CSMD1: variants seen among roughly 807,000 people sequenced by gnomAD.
CSMD1 encodes CUB and sushi domain-containing protein 1.
Under a neutral mutation model 417.5 loss-of-function variants are expected in CSMD1, and 213 were observed. The ratio of observed to expected loss-of-function variants is 0.51; its 90% CI spans 0.46 to 0.57. The LOEUF is 0.57. CSMD1 is among the 20% of genes least tolerant of loss of function. The probability of loss-of-function intolerance (pLI) is 0.00; values close to 1 mark genes in which losing one functional copy is unlikely to be tolerated. For missense variants in CSMD1, 6,923 were observed against 4,529.7 expected, an observed-to-expected ratio of 1.53 and a Z score of -15.17; for synonymous variants, 2,862 against 1,736.8, an observed-to-expected ratio of 1.65 and a Z score of -16.11.
At chr8:4,025,952 A>G (rs1419058717) in intron 4 of CSMD1, among the ~76,000 whole-genome samples, 1 of 152,064 alleles carries the variant, frequency 6.6e-6, no homozygotes, top group Non-Finnish European at 1.5e-5. Context: ...ATAAACTTTT[A>G]TAACCCTGGC....
intron 3 of CSMD1, among the ~76,000 whole-genome samples, chr8:4,385,306 T>G (rs533081412): frequency 1.0e-3 from 157 of 152,340 alleles, no homozygotes; most frequent in African/African-American, 3.5e-3. Context: ...TGTTAAACAA[T>G]GATGTAGTCT....
chr8:4,407,723 C>T (rs1796399780), intron 3 of CSMD1, among the ~76,000 whole-genome samples: 1 of 152,096 alleles, frequency 6.6e-6, no homozygotes, highest in Non-Finnish European at 1.5e-5. Flanking sequence ...TGTAGTTTTT[C>T]CATGATTCAT....
intron 5 of CSMD1, among the ~76,000 whole-genome samples, chr8:3,846,484 T>A (rs1302168507): frequency 1.3e-5 from 2 of 152,192 alleles, no homozygotes; most frequent in Non-Finnish European, 2.9e-5. Context: ...TTTTTTCACG[T>A]GTGAAACTCA....
chr8:3,731,569 T>C (rs1210479163), intron 6 of CSMD1, among the ~76,000 whole-genome samples: 1 of 152,080 alleles, frequency 6.6e-6, no homozygotes, highest in Non-Finnish European at 1.5e-5. Flanking sequence ...CCGTGAAGAA[T>C]CTAAAATAGG....
chr8:3,069,302 G>A (rs1489282906), intron 49 of CSMD1, among the ~76,000 whole-genome samples: 3 of 151,996 alleles, frequency 2.0e-5, no homozygotes, highest in Non-Finnish European at 2.9e-5. Context: ...GGGTGTGGTG[G>A]CAGGCATCTG....
chr8:4,080,585 G>A (rs559205376), intron 3 of CSMD1, among the ~76,000 whole-genome samples: 5 of 152,272 alleles, frequency 3.3e-5, no homozygotes, highest in Admixed American at 1.3e-4. Flanking sequence ...ATTTATGTAT[G>A]ATGTCATAGT....
At chr8:4,099,695 C>A (rs554744564) in intron 3 of CSMD1, among the ~76,000 whole-genome samples, 2 of 151,998 alleles carry the variant, frequency 1.3e-5, no homozygotes, top group Non-Finnish European at 2.9e-5. Flanking sequence ...CAAACAAAAC[C>A]TCTTCTTTTC....
intron 7 of CSMD1, among the ~76,000 whole-genome samples, chr8:3,620,007 C>G (rs1584971863): frequency 6.6e-6 from 1 of 152,120 alleles, no homozygotes; most frequent in Non-Finnish European, 1.5e-5. Context: ...GAGGCTGAGA[C>G]AGGAGAATAG....
In CSMD1 at chr8:4,137,726, A is replaced by C. The variant is rs1284463157; in HGVS notation, c.416-105627T>G. ...CACATCGATAAAGATACTGTATTTC[A>C]CGATGTTGTATTTTATATAAAATTA... On this transcript the variant is annotated intron_variant, in intron 3 of 69. Transcript: ENST00000635120. Among the ~76,000 whole-genome samples, 2 of 135,050 alleles carry C rather than the reference A, an allele frequency of 1.5e-5. 1 individual carries two copies. The highest frequency in any genetic ancestry group is 3.4e-5 in the Non-Finnish European group (2 of 58,438). 88.6% of individuals were successfully genotyped at this position (135,050 alleles called of 152,430 possible).
At chr8:4,559,197 T>C (rs997162862) in intron 2 of CSMD1, among the ~76,000 whole-genome samples, 2 of 152,202 alleles carry the variant, frequency 1.3e-5, no homozygotes, top group South Asian at 2.1e-4. Flanking sequence ...ATGCTGGCTT[T>C]AGTCTCTTAT....
rs568072940 is a variant in CSMD1, at chr8:3,816,483, C to T, written c.819-62441G>A. Among the ~76,000 whole-genome samples the T allele has an allele frequency of 3.3e-5, 5 of 152,084 alleles. No homozygotes were observed. In the East Asian group the frequency reaches 5.8e-4, roughly 18 times the overall value. On this transcript the variant is annotated intron_variant, in intron 5 of 69. Coordinates refer to ENST00000635120, the MANE Select transcript of CSMD1 (RefSeq NM_033225.6). Reference sequence around the variant, plus strand: ...TAGCTGTTATGAATCTCTCGCTGTGCCTAATTTATAAATTAAACTTCCTCA... The same window carrying T: ...TAGCTGTTATGAATCTCTCGCTGTGTCTAATTTATAAATTAAACTTCCTCA...
intron 3 of CSMD1, among the ~76,000 whole-genome samples, chr8:4,043,258 T>C (rs528707072): frequency 2.0e-5 from 3 of 152,000 alleles, no homozygotes; most frequent in Non-Finnish European, 4.4e-5. Context: ...TAGGCTAGCA[T>C]AGGAGATAAA....
At chr8:3,083,863 T>C (rs1425387563) in intron 49 of CSMD1, among the ~76,000 whole-genome samples, 1 of 151,494 alleles carries the variant, frequency 6.6e-6, no homozygotes, top group East Asian at 2.0e-4. Flanking sequence ...TTTCACCATG[T>C]TGCCCAGGCT....
intron 5 of CSMD1, among the ~76,000 whole-genome samples, chr8:3,965,498 T>C (rs936924190): frequency 6.6e-6 from 1 of 152,140 alleles, no homozygotes; most frequent in Non-Finnish European, 1.5e-5. Flanking sequence ...CAAAGTAAAG[T>C]TGAAAAACTA....
chr8:4,992,173 C>T (rs1811504125), intron 1 of CSMD1, among the ~76,000 whole-genome samples: 1 of 152,192 alleles, frequency 6.6e-6, no homozygotes, highest in African/African-American at 2.4e-5. Context: ...CCCTGTTCGC[C>T]CCAGAATCAT....
At chr8:3,033,495 GGGA>G (rs1237716508) in intron 50 of CSMD1, among the ~76,000 whole-genome samples, 2 of 151,948 alleles carry the variant, frequency 1.3e-5, no homozygotes, top group Non-Finnish European at 2.9e-5. Context: ...CGGTTAACAC[GGGA>G]ACAGAAAACC....
intron 26 of CSMD1, among the ~76,000 whole-genome samples, chr8:3,250,677 A>G (rs148342409): frequency 0.015 from 2,219 of 152,326 alleles, 51 homozygotes; most frequent in African/African-American, 0.051. Context: ...TCCCACCAAC[A>G]GTGTAAAAGT....
intron 5 of CSMD1, among the ~76,000 whole-genome samples, chr8:3,925,537 C>G (rs1466411703): frequency 6.6e-6 from 1 of 152,142 alleles, no homozygotes; most frequent in African/African-American, 2.4e-5. Context: ...TTCCAGAATT[C>G]CCAGGTGTTG....
intron 5 of CSMD1, among the ~76,000 whole-genome samples, chr8:3,854,835 CAG>C (rs956220548): frequency 6.6e-6 from 1 of 151,836 alleles, no homozygotes; most frequent in African/African-American, 2.4e-5. Flanking sequence ...ATAACAAAAA[CAG>C]GGAATTGTTA....
Sources: gnomAD v4.1 joint callset for allele counts (sites outside exome capture counted in the v4.1 genomes callset) on GRCh38, gnomAD v4.1.1 for gene constraint, MANE v1.5 for transcripts, NCBI Gene and HGNC (gene_info 2026-07-23, HGNC 2026-07-21) for gene names.